Variants in CNTN5 observed in about 807,000 individuals in gnomAD.
CNTN5 encodes the protein contactin 5.
Under a neutral mutation model 129.1 loss-of-function variants are expected in CNTN5, and 77 were observed. The observed-to-expected ratio is 0.60, with a 90% CI of 0.50 to 0.72. The LOEUF (loss-of-function observed/expected upper bound fraction) is 0.72, where lower values mean the gene tolerates loss of function less well. CNTN5 is among the 30% of genes least tolerant of loss of function. The pLI, the probability that CNTN5 is intolerant of heterozygous loss-of-function variation, is 0.00. For synonymous variants in CNTN5, 509 were observed against 465.6 expected (o/e 1.09, Z -1.20); for missense variants, 1,478 against 1,328.8 (o/e 1.11, Z -1.75).
intron 2 of CNTN5, among the ~76,000 whole-genome samples, chr11:99,526,606 T>C (rs988830866): frequency 1.3e-5 from 2 of 152,204 alleles, no homozygotes; most frequent in African/African-American, 4.8e-5. Context: ...GCAAATTGTG[T>C]CAAGTCACGA....
intron 3 of CNTN5, among the ~76,000 whole-genome samples, chr11:99,692,642 T>C (rs1342284189): frequency 6.6e-6 from 1 of 152,138 alleles, no homozygotes; most frequent in Non-Finnish European, 1.5e-5. Flanking sequence ...TGACCTGACC[T>C]CTTTCTCTCT....
intron 3 of CNTN5, among the ~76,000 whole-genome samples, chr11:99,737,924 A>C (rs1014415308): frequency 1.3e-5 from 2 of 152,284 alleles, no homozygotes; most frequent in African/African-American, 4.8e-5. Context: ...CTATATTTTC[A>C]TAGCATAAAA....
Position 100,193,638 on chromosome 11 carries a change from G to A in CNTN5, c.1859G>A (p.Gly620Asp). ...KGQPIDFEEEGGHFESIRAQA... is the reference protein window; with the variant it reads ...KGQPIDFEEEDGHFESIRAQA... ...CAGCCTATTGATTTCGAGGAAGAGG[G>A]TGGACATTTTGAAAGCATCAGGGCC... Residue 620 changes from glycine (G) to aspartate (D), a missense_variant, in exon 15 of 25, where the codon GGT (glycine) becomes GAT (aspartate). Coordinates refer to ENST00000524871, the MANE Select transcript of CNTN5 (RefSeq NM_014361.4). 1 of 1,611,492 alleles carries A rather than the reference G, an allele frequency of 6.2e-7. No individual in the cohort carries two copies. Among genetic ancestry groups the A allele is most frequent in the South Asian group, 1.1e-5 (1 of 90,862 alleles).
chr11:99,467,427 G>A (rs147693774), intron 2 of CNTN5, among the ~76,000 whole-genome samples: 1,007 of 152,254 alleles, frequency 6.6e-3, no homozygotes, highest in Non-Finnish European at 0.01. Flanking sequence ...AGTTACATGA[G>A]TAACGTCTTC....
intron 3 of CNTN5, among the ~76,000 whole-genome samples, chr11:99,563,659 C>T (rs893184507): frequency 3.9e-5 from 6 of 152,128 alleles, no homozygotes; most frequent in African/African-American, 9.7e-5. Flanking sequence ...GTACCCATGA[C>T]GCACTTGATG....
rs1419220243 is a variant in CNTN5, at chr11:99,515,259, C to T, written c.-70-40886C>T. ...ACAAAGCAAAAAAATTAACAACTGT[C>T]ACAATTCTTGTAGTGTAGATAATTT... is the stretch of plus-strand genomic sequence containing the variant. On this transcript the variant is annotated intron_variant, in intron 2 of 24. Coordinates refer to ENST00000524871, the MANE Select transcript of CNTN5 (RefSeq NM_014361.4). Among the ~76,000 whole-genome samples the T allele has an allele frequency of 2.0e-5, 3 of 152,006 alleles. No individual in the cohort carries two copies. The East Asian group carries it at 5.8e-4, about 29-fold the overall frequency.
chr11:100,257,301 T>G (rs955346182), intron 17 of CNTN5, among the ~76,000 whole-genome samples: 1 of 152,142 alleles, frequency 6.6e-6, no homozygotes, highest in African/African-American at 2.4e-5. Context: ...AGCTTATAGA[T>G]AAAACTCCCA....
intron 3 of CNTN5, among the ~76,000 whole-genome samples, chr11:99,713,000 G>T (rs2134970470): frequency 1.3e-5 from 2 of 151,622 alleles, no homozygotes; most frequent in Middle Eastern, 6.8e-3. Flanking sequence ...AAGTAGTTTT[G>T]TTTTTGCCAA....
rs201208690 is a variant in CNTN5 at position 100,271,218 on chromosome 11, G to A, written c.2291G>A (p.Arg764Gln). ...IGTGDPSTPSRMIRTNEAVPK... is the reference protein window; with the variant it reads ...IGTGDPSTPSQMIRTNEAVPK... ...ACAGGAGATCCAAGCACCCCATCTC[G>A]AATGATCCGCACAAATGAAGCAGGT... The change falls in exon 18 of 25, where the codon CGA becomes CAA. Residue 764 changes from arginine to glutamine, a missense_variant. By Grantham distance (43) the Arg-to-Gln change is conservative (BLOSUM62 1). Coordinates refer to ENST00000524871, the MANE Select transcript of CNTN5 (RefSeq NM_014361.4). 1.5e-3 allele frequency: 2,440 copies of A among 1,610,088 alleles called. 4 individuals carry two copies. Among genetic ancestry groups the A allele is most frequent in the South Asian group, 2.1e-3 (191 of 90,456 alleles).
chr11:99,620,629 C>T (rs954718251), intron 3 of CNTN5, among the ~76,000 whole-genome samples: 2 of 150,400 alleles, frequency 1.3e-5, no homozygotes, highest in Non-Finnish European at 2.9e-5. Flanking sequence ...CAGTTAGTAT[C>T]AGCAGAAATC....
intron 2 of CNTN5, among the ~76,000 whole-genome samples, chr11:99,413,747 G>C (rs572977882): frequency 7.2e-5 from 11 of 152,212 alleles, no homozygotes; most frequent in Non-Finnish European, 1.5e-4. Context: ...AATGACACTT[G>C]AAACTACATA....
At chr11:99,260,156 C>G (rs73000240) in intron 1 of CNTN5, among the ~76,000 whole-genome samples, 5,112 of 151,712 alleles carry the variant, frequency 0.034, 119 homozygotes, top group Middle Eastern at 0.065. Flanking sequence ...ATCTGGGATT[C>G]CTATTATTGC....
chr11:99,898,950 T>G (rs1360497685), intron 6 of CNTN5, among the ~76,000 whole-genome samples: 1 of 152,016 alleles, frequency 6.6e-6, no homozygotes, highest in Non-Finnish European at 1.5e-5. Flanking sequence ...GTTTCTCTAT[T>G]AAGTATAATA....
chr11:99,729,617 G>T (rs1028003), intron 3 of CNTN5, among the ~76,000 whole-genome samples: 2 of 151,538 alleles, frequency 1.3e-5, no homozygotes, highest in Non-Finnish European at 2.9e-5. Context: ...AATGGTAGAA[G>T]TAATTCACAG....
chr11:100,195,723 C>T (rs1939709), intron 15 of CNTN5, among the ~76,000 whole-genome samples: 11,973 of 151,878 alleles, frequency 0.079, 944 homozygotes, highest in African/African-American at 0.2. Context: ...AAAACTATGG[C>T]ATGTATAAGA....
chr11:99,523,621 GAA>G (rs1947355936), intron 2 of CNTN5, among the ~76,000 whole-genome samples: 1 of 42,026 alleles, frequency 2.4e-5, no homozygotes, highest in African/African-American at 8.8e-5. Flanking sequence ...GAATAGAATA[GAA>G]TAGAATAGAA....
rs183611977 is a variant in CNTN5 at position 100,000,453 on chromosome 11, G to A, written c.878-1581G>A. 1.5e-4 allele frequency among the ~76,000 whole-genome samples: 23 copies of A among 152,262 alleles called. 1 individual carries two copies. In the East Asian group the frequency reaches 2.5e-3, roughly 17 times the overall value. On this transcript the variant is annotated intron_variant, in intron 8 of 24. Coordinates refer to ENST00000524871, the MANE Select transcript of CNTN5 (RefSeq NM_014361.4). ...TAGGGCATGATGATAGAAGGCATACGCTCCCAAGGACTTGGGCAGCTCTGC... is the reference window on the plus strand; with the variant it reads ...TAGGGCATGATGATAGAAGGCATACACTCCCAAGGACTTGGGCAGCTCTGC...
intron 9 of CNTN5, among the ~76,000 whole-genome samples, chr11:100,050,121 C>T (rs1942876817): frequency 2.0e-5 from 3 of 152,196 alleles, no homozygotes; most frequent in African/African-American, 7.2e-5. Flanking sequence ...CATCCCATTA[C>T]TGGCTATATA....
intron 23 of CNTN5, among the ~76,000 whole-genome samples, chr11:100,349,967 C>G (rs980353661): frequency 6.6e-6 from 1 of 151,702 alleles, no homozygotes; most frequent in Non-Finnish European, 1.5e-5. Context: ...TATCCTGTGT[C>G]CTGATTTGCA....
Sources: gnomAD v4.1 joint callset for allele counts (sites outside exome capture counted in the v4.1 genomes callset) on GRCh38, gnomAD v4.1.1 for gene constraint, MANE v1.5 for transcripts, NCBI Gene and HGNC (gene_info 2026-07-23, HGNC 2026-07-21) for gene names.